Variants in DNAH9 observed in about 807,000 individuals in gnomAD.
DNAH9 encodes dynein axonemal heavy chain 9, also known as DNAH9 variant protein.
A neutral mutation model predicts 471.6 loss-of-function variants in DNAH9; 345 were observed. The ratio of observed to expected loss-of-function variants is 0.73; its 90% confidence interval spans 0.67 to 0.80. DNAH9 has a LOEUF of 0.80. Ranked by LOEUF, DNAH9 falls within the 30% of genes least tolerant of loss-of-function variation. DNAH9 has a pLI of 0.00. For missense variants in DNAH9, 5,407 were observed against 5,609.2 expected (o/e 0.96, Z 1.15); for synonymous variants, 2,093 against 2,123.6 (o/e 0.99, Z 0.40).
At chr17:11,894,017 C>T (rs911147850) in intron 58 of DNAH9, among the ~76,000 whole-genome samples, 7 of 152,156 alleles carry the variant, frequency 4.6e-5, no homozygotes, top group Non-Finnish European at 8.8e-5. Flanking sequence ...TATATCCATA[C>T]GTCATTTTGA....
intron 53 of DNAH9, among the ~76,000 whole-genome samples, chr17:11,879,810 TACGTAGTATACACCAAA>T (rs1972642891): frequency 6.6e-6 from 1 of 152,170 alleles, no homozygotes; most frequent in Non-Finnish European, 1.5e-5. Context: ...TATTCAAATA[TACGTAGTATACACCAAA>T]ACGTTGAAGA....
In DNAH9 at chr17:11,806,370, G is replaced by A. The variant is rs539228783; in HGVS notation, c.8421-1362G>A. ...GATATAAACTTAAAAAATATATACA[G>A]TGTTATTTATAAATGGAAAATGTTG... is the stretch of plus-strand genomic sequence containing the variant. On this transcript the variant is annotated intron_variant, in intron 43 of 68. Coordinates refer to ENST00000262442, the MANE Select transcript of DNAH9 (RefSeq NM_001372.4). Among the ~76,000 whole-genome samples, 3 of 152,154 alleles carry A rather than the reference G, an allele frequency of 2.0e-5. 1 individual carries two copies. The highest frequency in any genetic ancestry group is 2.1e-4 in the South Asian group (1 of 4,820).
At chr17:11,677,019 C>G (rs1016616142) in intron 17 of DNAH9, among the ~76,000 whole-genome samples, 4 of 151,938 alleles carry the variant, frequency 2.6e-5, no homozygotes, top group African/African-American at 4.8e-5. Flanking sequence ...TAATAACAAG[C>G]TTCTGAAATT....
chr17:11,784,063 G>T (rs1210799768), intron 40 of DNAH9, among the ~76,000 whole-genome samples: 2 of 152,112 alleles, frequency 1.3e-5, no homozygotes, highest in African/African-American at 4.8e-5. Flanking sequence ...GATTCTCTGA[G>T]TCCAAGTTTA....
chr17:11,809,062 AT>A (rs1969793460), intron 44 of DNAH9, among the ~76,000 whole-genome samples: 1 of 152,184 alleles, frequency 6.6e-6, no homozygotes. Flanking sequence ...TCAAGAACTG[AT>A]GGCTGAGCTT....
intron 22 of DNAH9, among the ~76,000 whole-genome samples, chr17:11,694,706 C>CTCGCTT (rs2074412498): frequency 4.2e-4 from 2 of 4,774 alleles, no homozygotes; most frequent in African/African-American, 5.1e-4. Context: ...CGCTTTCTCT[C>CTCGCTT]TCTCTCTCTC....
At chr17:11,936,916 A>C (rs1005463958) in intron 65 of DNAH9, among the ~76,000 whole-genome samples, 5 of 152,092 alleles carry the variant, frequency 3.3e-5, no homozygotes, top group African/African-American at 1.2e-4. Flanking sequence ...GGTTTGTCAT[A>C]TCTGATTTAG....
intron 68 of DNAH9, among the ~76,000 whole-genome samples, chr17:11,968,257 A>G (rs12452927): frequency 0.43 from 65,176 of 152,012 alleles, 14,950 homozygotes; most frequent in Middle Eastern, 0.56. Flanking sequence ...ATTCATCTCT[A>G]TGGGGCAAGG....
chr17:11,851,571 T>C (rs924952658), intron 49 of DNAH9, among the ~76,000 whole-genome samples: 3 of 152,046 alleles, frequency 2.0e-5, no homozygotes, highest in African/African-American at 7.2e-5. Flanking sequence ...AAGGAGAAAG[T>C]GGGCCACAGT....
rs764380571 is a variant in DNAH9 at position 11,822,584 on chromosome 17, C to A, written c.8997C>A (p.Asn2999Lys). 2.5e-6 allele frequency: 4 copies of A among 1,614,122 alleles called. No homozygotes were observed. The highest frequency in any genetic ancestry group is 2.5e-6 in the Non-Finnish European group (3 of 1,180,012). ...CTGTCAGCCTCCGCTTCTTGCAGAA[C>A]ACAGAGGGCATTGAGGTGAGAGAGA... Reference protein sequence around the residue: ...LESVSLRFLQNTEGIEPTVKQ... With the variant: ...LESVSLRFLQKTEGIEPTVKQ... Residue 2999 changes from asparagine to lysine, a missense_variant, in exon 47 of 69, where the codon AAC becomes AAA. Asn to Lys is a moderately conservative substitution (Grantham distance 94). Transcript: ENST00000262442.
chr17:11,651,154 C>T lies in DNAH9; in HGVS notation c.2183C>T (p.Ser728Phe), dbSNP rs2073499162. 1 of 1,613,986 alleles carries T rather than the reference C, an allele frequency of 6.2e-7. No individual in the cohort carries two copies. The highest frequency in any genetic ancestry group is 8.5e-7 in the Non-Finnish European group (1 of 1,180,004). Residue 728 changes from serine to phenylalanine, a missense_variant, in exon 13 of 69, where the codon TCC becomes TTC. This residue lies in a region of DNAH9 where 4,636 missense variants were observed against 4,900.3 expected (regional missense o/e 0.95). Coordinates refer to ENST00000262442, the MANE Select transcript of DNAH9 (RefSeq NM_001372.4). ...GAGACAGCAGCAGCCATGTTCTCCT[C>T]CAGGGATTTCTATCGGCAGCTTGTG... ...MPETAAAMFS[S>F]RDFYRQLVAN... is the part of the protein sequence containing the mutation.
rs2150770926 is a variant in DNAH9, at chr17:11,699,841, G to A, written c.4983G>A (p.Glu1661=). 2 of 1,614,238 alleles carry A rather than the reference G, an allele frequency of 1.2e-6. No individual in the cohort carries two copies. The highest frequency in any genetic ancestry group is 1.7e-6 in the Non-Finnish European group (2 of 1,180,030). ...KTSLGMYSKE[E]EYVAFSEPCD... is the part of the protein sequence containing the mutation. ...GCCTCGGCATGTACAGCAAAGAAGA[G>A]GAGTATGTGGCTTTCAGTGAGCCCT... The change falls in exon 23 of 69, where the codon GAG becomes GAA. Residue 1661 remains glutamate, a synonymous_variant. Transcript: ENST00000262442.
At position 11,834,691 on chromosome 17, in the gene DNAH9, A is replaced by G. The variant is rs1970787898; in HGVS notation, c.9300A>G (p.Lys3100=). The change falls in exon 49 of 69, where the codon AAA becomes AAG. Residue 3100 remains lysine, a synonymous_variant. Transcript: ENST00000262442. The part of the protein sequence containing the change: ...LAAQEVELKQ[K]NEDADKLIQV... ...CCCAGGAAGTAGAGCTGAAGCAGAA[A>G]AATGAAGATGCAGACAAACTGATTC... 1.9e-6 allele frequency: 3 copies of G among 1,614,116 alleles called. No homozygotes were observed. Among genetic ancestry groups the G allele is most frequent in the Non-Finnish European group, 2.5e-6 (3 of 1,180,008 alleles).
At chr17:11,604,486 C>G (rs2072456336) in intron 1 of DNAH9, among the ~76,000 whole-genome samples, 1 of 152,150 alleles carries the variant, frequency 6.6e-6, no homozygotes, top group South Asian at 2.1e-4. Flanking sequence ...GCCCTCTCTT[C>G]TCCTCTGAAC....
intron 49 of DNAH9, among the ~76,000 whole-genome samples, chr17:11,840,636 T>G (rs1243411020): frequency 6.6e-6 from 1 of 152,134 alleles, no homozygotes; most frequent in East Asian, 1.9e-4. Context: ...TTTGCAGATA[T>G]CATTAAGTTA....
intron 26 of DNAH9, among the ~76,000 whole-genome samples, chr17:11,708,250 T>C (rs1300414305): frequency 1.3e-5 from 2 of 152,126 alleles, no homozygotes; most frequent in Non-Finnish European, 2.9e-5. Context: ...AATGAATGAA[T>C]GACATTTAAA....
Position 11,598,871 on chromosome 17 carries a change from C to G in DNAH9, c.373C>G (p.Leu125Val), listed in dbSNP as rs1281211288. 1 of 1,543,326 alleles carries G rather than the reference C, an allele frequency of 6.5e-7. No individual in the cohort carries two copies. The highest frequency in any genetic ancestry group is 1.8e-5 in the Admixed American group (1 of 54,306). The change falls in exon 1 of 69, where the codon CTG (leucine) becomes GTG (valine). Residue 125 changes from leucine (L) to valine (V), a missense_variant. Leu to Val is a conservative substitution (Grantham distance 32). Coordinates refer to ENST00000262442, the MANE Select transcript of DNAH9 (RefSeq NM_001372.4). ...SFRGAVVCGDLPAAPLEHLAA... is the reference protein window; with the variant it reads ...SFRGAVVCGDVPAAPLEHLAA... ...CCGCGGCGCAGTGGTCTGCGGGGACCTGCCCGCGGCACCTCTGGAGCACCT... is the reference window on the plus strand; with the variant it reads ...CCGCGGCGCAGTGGTCTGCGGGGACGTGCCCGCGGCACCTCTGGAGCACCT...
At chr17:11,946,563 C>T (rs1975131384) in intron 67 of DNAH9, among the ~76,000 whole-genome samples, 1 of 150,252 alleles carries the variant, frequency 6.7e-6, no homozygotes, top group South Asian at 2.1e-4. Context: ...ACTCGGGAGG[C>T]TGAGGCAGGA....
rs567320910 is a variant in DNAH9, at chr17:11,747,425, C to T, written c.6400-131C>T. On this transcript the variant is annotated intron_variant, in intron 31 of 68. Transcript: ENST00000262442. ...CCCTATATTTCAGACCTCCTGACAT[C>T]TTGGGGTAGATAACTCTTCCTCTGT... The T allele has an allele frequency of 8.0e-5, 54 of 676,306 alleles. No homozygotes were observed. The Middle Eastern group carries it at 1.2e-3, about 15-fold the overall frequency. The allele number at this position is 676,306 out of a possible 1,614,324, so 41.9% of individuals were successfully genotyped here. A position where few individuals can be genotyped will look rare whatever the true frequency, so the allele number is the denominator to read the frequency against.
Sources: gnomAD v4.1 joint callset for allele counts (sites outside exome capture counted in the v4.1 genomes callset) on GRCh38, gnomAD v4.1.1 for gene constraint, gnomAD v4.1.1 regional missense constraint, MANE v1.5 for transcripts, NCBI Gene and HGNC (gene_info 2026-07-23, HGNC 2026-07-21) for gene names.